Variants in PLCB1 observed in about 807,000 individuals in gnomAD.
PLCB1 encodes phospholipase C beta 1.
In PLCB1, 46 loss-of-function variants were observed where a neutral mutation model predicts 161.8. That is an observed-to-expected ratio of 0.28 (90% confidence interval 0.22 to 0.36). The LOEUF is 0.36. PLCB1 is among the 10% of genes least tolerant of loss of function. The pLI, the probability that PLCB1 is intolerant of heterozygous loss-of-function variation, is 1.00. For synonymous variants in PLCB1, 517 were observed against 503.7 expected, an observed-to-expected ratio of 1.03 and a Z score of -0.35; for missense variants, 1,016 against 1,472.5, an observed-to-expected ratio of 0.69 and a Z score of 5.07.
intron 2 of PLCB1, among the ~76,000 whole-genome samples, chr20:8,224,761 A>G (rs1979593714): frequency 6.6e-6 from 1 of 151,980 alleles, no homozygotes. Context: ...CCCGCCCACC[A>G]CGCCACCCCT....
At chr20:8,651,585 G>T in intron 7 of PLCB1, 1 of 696,100 alleles carries the variant, frequency 1.4e-6, no homozygotes, top group South Asian at 1.5e-5. Context: ...TCCTGTCCCC[G>T]ACTTCAACAA....
At chr20:8,501,118 C>G (rs935431820) in intron 3 of PLCB1, among the ~76,000 whole-genome samples, 6 of 152,198 alleles carry the variant, frequency 3.9e-5, no homozygotes, top group African/African-American at 1.4e-4. Flanking sequence ...AAGAGGCACG[C>G]ACTGTGGATC....
intron 2 of PLCB1, among the ~76,000 whole-genome samples, chr20:8,320,318 T>C (rs1416018027): frequency 2.0e-5 from 3 of 152,220 alleles, no homozygotes; most frequent in African/African-American, 4.8e-5. Context: ...TACTATTTGT[T>C]ACATGCCAGA....
chr20:8,330,628 G>C (rs1432654491), intron 2 of PLCB1, among the ~76,000 whole-genome samples: 1 of 152,196 alleles, frequency 6.6e-6, no homozygotes, highest in Non-Finnish European at 1.5e-5. Context: ...AGAAGTTGTT[G>C]GCTCAGGATT....
intron 3 of PLCB1, among the ~76,000 whole-genome samples, chr20:8,592,989 G>A (rs1246229745): frequency 6.6e-6 from 1 of 151,976 alleles, no homozygotes; most frequent in Non-Finnish European, 1.5e-5. Flanking sequence ...TCTGAGGGTG[G>A]GATCCAGGCC....
In PLCB1 at chr20:8,567,680, G is replaced by T. The variant is rs1005977457; in HGVS notation, c.247-60614G>T. On this transcript the variant is annotated intron_variant, in intron 3 of 31. Transcript: ENST00000338037. ...CATTGCTGATCAGTAGTGGGATGGT[G>T]CCTGTGAATAGCCACTGCACTCTAG... Among the ~76,000 whole-genome samples, 4 of 152,050 alleles carry T rather than the reference G, an allele frequency of 2.6e-5. No homozygotes were observed. The East Asian group carries it at 5.8e-4, about 22-fold the overall frequency.
chr20:8,600,168 G>A (rs1204027788), intron 3 of PLCB1, among the ~76,000 whole-genome samples: 2 of 137,202 alleles, frequency 1.5e-5, no homozygotes, highest in Non-Finnish European at 3.1e-5. Context: ...TGGAGGAGGA[G>A]AGGCGCTCTG....
intron 3 of PLCB1, among the ~76,000 whole-genome samples, chr20:8,483,473 C>G (rs1982592166): frequency 6.6e-6 from 1 of 152,166 alleles, no homozygotes; most frequent in Non-Finnish European, 1.5e-5. Flanking sequence ...ATGGAACACA[C>G]TTTTATAGTT....
chr20:8,174,858 G>A (rs2037774371), intron 2 of PLCB1, among the ~76,000 whole-genome samples: 1 of 151,926 alleles, frequency 6.6e-6, no homozygotes, highest in Admixed American at 6.6e-5. Flanking sequence ...AGACCAGCCT[G>A]GCCAAGATAG....
chr20:8,823,355 T>C (rs988648949), intron 31 of PLCB1, among the ~76,000 whole-genome samples: 3 of 152,156 alleles, frequency 2.0e-5, no homozygotes, highest in Non-Finnish European at 2.9e-5. Context: ...ACTCCTGACC[T>C]CAGGTGATCT....
intron 3 of PLCB1, among the ~76,000 whole-genome samples, chr20:8,540,301 T>C (rs1985257006): frequency 6.6e-6 from 1 of 152,150 alleles, no homozygotes; most frequent in Non-Finnish European, 1.5e-5. Context: ...AGGGTGGGAC[T>C]TCTCTTTTTT....
chr20:8,299,153 C>A (rs917479014), intron 2 of PLCB1, among the ~76,000 whole-genome samples: 1 of 152,106 alleles, frequency 6.6e-6, no homozygotes, highest in African/African-American at 2.4e-5. Flanking sequence ...GCATCACACA[C>A]CAAATGTCTT....
intron 2 of PLCB1, among the ~76,000 whole-genome samples, chr20:8,259,325 A>G (rs1314734168): frequency 6.6e-6 from 1 of 152,142 alleles, no homozygotes; most frequent in Non-Finnish European, 1.5e-5. Flanking sequence ...TGTTACTCTA[A>G]GTCTCTGCTG....
intron 2 of PLCB1, among the ~76,000 whole-genome samples, chr20:8,306,207 A>C (rs888523549): frequency 6.6e-6 from 1 of 152,180 alleles, no homozygotes; most frequent in Non-Finnish European, 1.5e-5. Flanking sequence ...TGCAGGGAGT[A>C]AGTGATTTGT....
At chr20:8,548,146 TTC>T (rs2122982301) in intron 3 of PLCB1, among the ~76,000 whole-genome samples, 1 of 151,280 alleles carries the variant, frequency 6.6e-6, no homozygotes, top group African/African-American at 2.4e-5. Context: ...CTCTCCTTCT[TTC>T]TTTCTCTCTT....
intron 3 of PLCB1, among the ~76,000 whole-genome samples, chr20:8,537,010 A>C (rs1985079196): frequency 6.6e-6 from 1 of 152,236 alleles, no homozygotes; most frequent in Non-Finnish European, 1.5e-5. Flanking sequence ...ATCTACCTAC[A>C]GAGATATTGT....
intron 2 of PLCB1, among the ~76,000 whole-genome samples, chr20:8,299,198 A>C (rs1380453766): frequency 6.6e-6 from 1 of 152,082 alleles, no homozygotes; most frequent in Non-Finnish European, 1.5e-5. Flanking sequence ...TTTCTGCTGG[A>C]ATTCAGTTTA....
At position 8,640,566 on chromosome 20, in the gene PLCB1, A is replaced by G. The variant is rs76217978; in HGVS notation, c.385-5536A>G. Reference sequence around the variant, plus strand: ...TAGCAAGTGTTTTCATAAGAATGACATGAGACTGTTGGAAGAATCATTTCA... The same window carrying G: ...TAGCAAGTGTTTTCATAAGAATGACGTGAGACTGTTGGAAGAATCATTTCA... On this transcript the variant is annotated intron_variant, in intron 4 of 31. Coordinates refer to ENST00000338037, the MANE Select transcript of PLCB1 (RefSeq NM_015192.4). Among the ~76,000 whole-genome samples, 4 of 152,298 alleles carry G rather than the reference A, an allele frequency of 2.6e-5. No individual in the cohort carries two copies. In the East Asian group the frequency reaches 7.7e-4, roughly 29 times the overall value.
chr20:8,640,105 G>A (rs1316316965), intron 4 of PLCB1, among the ~76,000 whole-genome samples: 1 of 152,096 alleles, frequency 6.6e-6, no homozygotes. Flanking sequence ...AAGTTGGAAG[G>A]TATAATTAAG....
Sources: gnomAD v4.1 joint callset for allele counts (sites outside exome capture counted in the v4.1 genomes callset) on GRCh38, gnomAD v4.1.1 for gene constraint, MANE v1.5 for transcripts, NCBI Gene and HGNC (gene_info 2026-07-23, HGNC 2026-07-21) for gene names.